The following NTM variants were observed in gnomAD, a reference collection of about 807,000 sequenced individuals.
NTM encodes the protein IgLON family member 2.
Under a neutral mutation model 42.1 loss-of-function variants are expected in NTM, and 13 were observed. The ratio of observed to expected loss-of-function variants is 0.31; its 90% confidence interval spans 0.20 to 0.49. The LOEUF (loss-of-function observed/expected upper bound fraction) is 0.49, where lower values mean the gene tolerates loss of function less well. Ranked by LOEUF, NTM falls within the 20% of genes least tolerant of loss-of-function variation. NTM has a pLI of 0.99. For missense variants in NTM, 373 were observed against 452.8 expected, an observed-to-expected ratio of 0.82 and a Z score of 1.60; for synonymous variants, 187 against 179.2, an observed-to-expected ratio of 1.04 and a Z score of -0.35.
At chr11:131,481,097 C>T (rs1031299814) in intron 1 of NTM, among the ~76,000 whole-genome samples, 2 of 151,884 alleles carry the variant, frequency 1.3e-5, no homozygotes, top group East Asian at 1.9e-4. Context: ...AAATGGACAT[C>T]GATATAGAGA....
At chr11:131,781,399 A>T (rs1394668289) in intron 1 of NTM, among the ~76,000 whole-genome samples, 3 of 152,150 alleles carry the variant, frequency 2.0e-5, no homozygotes, top group Non-Finnish European at 4.4e-5. Flanking sequence ...CCTCAGTTGA[A>T]TAAACATTTT....
At chr11:131,908,760 AG>A in intron 1 of NTM, among the ~76,000 whole-genome samples, 1 of 152,228 alleles carries the variant, frequency 6.6e-6, no homozygotes, top group Non-Finnish European at 1.5e-5. Flanking sequence ...AACGTGGTGA[AG>A]TTTTTCAATT....
At chr11:131,692,390 T>C (rs1384647601) in intron 1 of NTM, among the ~76,000 whole-genome samples, 1 of 151,992 alleles carries the variant, frequency 6.6e-6, no homozygotes, top group Non-Finnish European at 1.5e-5. Context: ...GACACAGGGC[T>C]AGCCTATCTC....
chr11:132,267,299 AC>A (rs1357868321), intron 4 of NTM, among the ~76,000 whole-genome samples: 3 of 152,320 alleles, frequency 2.0e-5, no homozygotes, highest in Admixed American at 2.0e-4. Flanking sequence ...TGCTACTAAA[AC>A]ATTGCAAACA....
intron 4 of NTM, among the ~76,000 whole-genome samples, chr11:132,268,666 C>CTGTGTGTGTGTGTGTGTG (rs755450370): frequency 1.1e-5 from 1 of 87,972 alleles, no homozygotes; most frequent in East Asian, 2.4e-4. Flanking sequence ...TCCTCTCTCT[C>CTGTGTGTGTGTGTGTGTG]TCTCTGTGTG....
At chr11:132,180,719 T>G (rs2077446048) in intron 3 of NTM, among the ~76,000 whole-genome samples, 1 of 152,070 alleles carries the variant, frequency 6.6e-6, no homozygotes, top group South Asian at 2.1e-4. Flanking sequence ...TTCCAAACAC[T>G]ATAAGTCTAA....
chr11:131,931,691 C>T (rs949663629), intron 2 of NTM, among the ~76,000 whole-genome samples: 7 of 152,090 alleles, frequency 4.6e-5, no homozygotes, highest in African/African-American at 1.7e-4. Flanking sequence ...AGCAAGACCT[C>T]AGGAGGTGAC....
chr11:132,331,859 G>C (rs1270411285), intron 8 of NTM, among the ~76,000 whole-genome samples: 1 of 152,084 alleles, frequency 6.6e-6, no homozygotes, highest in Non-Finnish European at 1.5e-5. Flanking sequence ...GTGTGTGAGG[G>C]TGGGGAAAAA....
At position 132,101,365 on chromosome 11, in the gene NTM, C is replaced by T. The variant is rs572823743; in HGVS notation, c.168-44917C>T. 3.3e-5 allele frequency among the ~76,000 whole-genome samples: 5 copies of T among 152,304 alleles called. No individual in the cohort carries two copies. In the East Asian group the frequency reaches 5.8e-4, roughly 18 times the overall value. On this transcript the variant is annotated intron_variant, in intron 2 of 8. Transcript: ENST00000683400. ...CATCTATGTTGACCTTGTAACTTGA[C>T]CTCTTGGTACCAGTGACCTTCAGCT...
chr11:131,536,693 T>C (rs2052289859), intron 1 of NTM: 2 of 152,190 alleles, frequency 1.3e-5, no homozygotes, highest in African/African-American at 4.8e-5. Context: ...ACATGATGTA[T>C]ACGCATGAAA....
chr11:131,925,075 A>G (rs535299669), intron 2 of NTM, among the ~76,000 whole-genome samples: 82 of 152,326 alleles, frequency 5.4e-4, no homozygotes, highest in Non-Finnish European at 1.8e-4. Context: ...TTTATTCTAC[A>G]GGAATGTGAA....
chr11:131,628,797 C>A (rs2063371009), intron 1 of NTM, among the ~76,000 whole-genome samples: 1 of 152,196 alleles, frequency 6.6e-6, no homozygotes, highest in Non-Finnish European at 1.5e-5. Flanking sequence ...AAGTGCTGTT[C>A]ATGTTTTTAA....
At chr11:132,289,356 G>A (rs1438703634) in intron 4 of NTM, among the ~76,000 whole-genome samples, 1 of 152,182 alleles carries the variant, frequency 6.6e-6, no homozygotes, top group Non-Finnish European at 1.5e-5. Flanking sequence ...TTACACAAGA[G>A]TTCAGTTCTC....
In NTM at chr11:131,473,523, A is replaced by C. The variant is rs578179407; in HGVS notation, c.82+102635A>C. Among the ~76,000 whole-genome samples the C allele has an allele frequency of 4.6e-4, 70 of 152,306 alleles. 1 individual carries two copies. The South Asian group carries it at 0.014, about 30-fold the overall frequency. On this transcript the variant is annotated intron_variant, in intron 1 of 8. Coordinates refer to ENST00000683400, the MANE Select transcript of NTM (RefSeq NM_001352005.2). The stretch of plus-strand genomic sequence containing the variant: ...AAAGATAGCTTTTCTCCTCTCAGCA[A>C]AGAGGCAGGGATAAGCAGGCTTTCA...
intron 2 of NTM, among the ~76,000 whole-genome samples, chr11:131,997,970 C>G (rs930369727): frequency 2.0e-5 from 3 of 152,106 alleles, no homozygotes; most frequent in Non-Finnish European, 4.4e-5. Flanking sequence ...CTTTCCGCCC[C>G]TCCCCTCACT....
intron 1 of NTM, among the ~76,000 whole-genome samples, chr11:131,822,377 A>T (rs892863181): frequency 6.6e-6 from 1 of 152,220 alleles, no homozygotes; most frequent in Non-Finnish European, 1.5e-5. Flanking sequence ...TGTTAAAAAC[A>T]ACAATGTTTT....
intron 1 of NTM, chr11:131,777,156 C>T: frequency 1.5e-6 from 1 of 672,086 alleles, no homozygotes; most frequent in Non-Finnish European, 1.8e-6. Context: ...ACATCTCCAC[C>T]AATGCCCACT....
intron 2 of NTM, among the ~76,000 whole-genome samples, chr11:132,038,850 T>C (rs2135746235): frequency 6.6e-6 from 1 of 152,336 alleles, no homozygotes; most frequent in Middle Eastern, 3.4e-3. Context: ...CCTCCTGCAC[T>C]CAGCGTCTCC....
intron 1 of NTM, among the ~76,000 whole-genome samples, chr11:131,456,021 G>A (rs10894395): frequency 0.59 from 89,428 of 152,064 alleles, 26,779 homozygotes; most frequent in African/African-American, 0.68. Flanking sequence ...GCAAAGTCTT[G>A]ACCCATTTGT....
Sources: allele counts gnomAD v4.1 joint callset (sites outside exome capture counted in the v4.1 genomes callset), GRCh38; gene constraint gnomAD v4.1.1; transcripts MANE v1.5; gene names NCBI Gene and HGNC (gene_info 2026-07-23, HGNC 2026-07-21).